Variants in ZNF652 observed in about 807,000 individuals in gnomAD.
ZNF652 encodes the protein zinc finger protein 652.
Under a neutral mutation model 45.2 loss-of-function variants are expected in ZNF652, and 16 were observed. The observed-to-expected ratio is 0.35, with a 90% confidence interval of 0.24 to 0.54. The LOEUF (loss-of-function observed/expected upper bound fraction) is 0.54. Ranked by LOEUF, ZNF652 falls within the 20% of genes least tolerant of loss-of-function variation. The pLI is 0.91. For missense variants in ZNF652, 614 were observed against 765.6 expected (o/e 0.80, Z 2.34); for synonymous variants, 250 against 260.6 (o/e 0.96, Z 0.39).
rs554742595 is a variant in ZNF652 at position 49,343,576 on chromosome 17, T to C, written c.-259+18333A>G. Among the ~76,000 whole-genome samples the C allele has an allele frequency of 6.6e-5, 10 of 152,296 alleles. No individual in the cohort carries two copies. In the East Asian group the frequency reaches 1.9e-3, roughly 29 times the overall value. ...AAGGAAACCACAGATCTTCACAATGTATGTGCTATAAATAGATGTCATCAG... is the reference window on the plus strand; with the variant it reads ...AAGGAAACCACAGATCTTCACAATGCATGTGCTATAAATAGATGTCATCAG... On this transcript the variant is annotated intron_variant, in intron 1 of 5. Transcript: ENST00000430262.
intron 5 of ZNF652, among the ~76,000 whole-genome samples, chr17:49,300,836 C>T (rs1306258162): frequency 6.6e-6 from 1 of 152,198 alleles, no homozygotes; most frequent in African/African-American, 2.4e-5. Flanking sequence ...GTGATCTTCA[C>T]AGTGACTGTA....
At chr17:49,319,815 A>G (rs1264066241) in intron 1 of ZNF652, among the ~76,000 whole-genome samples, 12 of 151,942 alleles carry the variant, frequency 7.9e-5, no homozygotes, top group Admixed American at 7.2e-4. Flanking sequence ...CTAATTTTCA[A>G]AAAAATTTTT....
Position 49,298,089 on chromosome 17 carries a change from T to C in ZNF652, c.*324A>G, listed in dbSNP as rs1424725662. 9.8e-6 allele frequency: 3 copies of C among 305,224 alleles called. No individual in the cohort carries two copies. The highest frequency in any genetic ancestry group is 6.6e-5 in the African/African-American group (3 of 45,398). 18.9% of individuals were successfully genotyped at this position (305,224 alleles called of 1,614,324 possible). On this transcript the variant is annotated 3_prime_UTR_variant, in exon 6 of 6. Coordinates refer to ENST00000430262, the MANE Select transcript of ZNF652 (RefSeq NM_001145365.3). ...CCCCTCTTTGAGGAGAAGTCTGGGA[T>C]ATAAAAGCAAGCATACCTCATCAGC...
chr17:49,355,307 G>C (rs1387922862), intron 1 of ZNF652, among the ~76,000 whole-genome samples: 1 of 152,146 alleles, frequency 6.6e-6, no homozygotes, highest in Non-Finnish European at 1.5e-5. Flanking sequence ...AAATTTGTCT[G>C]GGCATGGTGG....
Position 49,351,012 on chromosome 17 carries a change from TATACACACACACACACACACAC to T in ZNF652, c.-259+10875_-259+10896del, listed in dbSNP as rs1415260445. Among the ~76,000 whole-genome samples the T allele has an allele frequency of 7.7e-3, 155 of 20,260 alleles. 2 individuals are homozygous for T. Among genetic ancestry groups the T allele is most frequent in the African/African-American group, 0.028 (149 of 5,330 alleles). 13.3% of individuals were successfully genotyped at this position (20,260 alleles called of 152,430 possible). On this transcript the variant is annotated intron_variant, in intron 1 of 5. Transcript: ENST00000430262. Reference sequence around the variant, plus strand: ...ATATATATATATATATATATATATATATACACACACACACACACACACACACACACACACACACACACATATT... The same window carrying T: ...ATATATATATATATATATATATATATACACACACACACACACACACATATT...
At chr17:49,311,067 C>G (rs1014345228) in intron 5 of ZNF652, among the ~76,000 whole-genome samples, 2 of 152,084 alleles carry the variant, frequency 1.3e-5, no homozygotes, top group African/African-American at 2.4e-5. Flanking sequence ...ACGTAAAGAC[C>G]CCATTGTCTT....
chr17:49,360,501 T>G (rs1185983588), intron 1 of ZNF652, among the ~76,000 whole-genome samples: 3 of 152,264 alleles, frequency 2.0e-5, no homozygotes, highest in African/African-American at 4.8e-5. Context: ...AAAATTATAC[T>G]AAAGGTATTA....
intron 3 of ZNF652, 30 bp from the exon 4 acceptor site, chr17:49,312,072 A>G (rs747697630): frequency 1.3e-6 from 2 of 1,548,080 alleles, no homozygotes; most frequent in Admixed American, 3.4e-5. Flanking sequence ...TAGTGTCAAA[A>G]CAAAATCCAC....
At chr17:49,334,704 A>G (rs1480101160) in intron 1 of ZNF652, among the ~76,000 whole-genome samples, 1 of 151,546 alleles carries the variant, frequency 6.6e-6, no homozygotes, top group Non-Finnish European at 1.5e-5. Flanking sequence ...GCTTGAACTC[A>G]GGAGGCAGAG....
chr17:49,349,278 C>T (rs2070244883), intron 1 of ZNF652, among the ~76,000 whole-genome samples: 1 of 152,034 alleles, frequency 6.6e-6, no homozygotes, highest in African/African-American at 2.4e-5. Context: ...AAAAATTTGC[C>T]AGGCCAGCTA....
intron 1 of ZNF652, 22 bp downstream of exon 1, chr17:49,361,887 G>A (rs1220938334): frequency 6.6e-6 from 1 of 150,742 alleles, no homozygotes; most frequent in African/African-American, 2.4e-5. Context: ...GCGAGTGCGT[G>A]GGGGAAGGGG....
intron 1 of ZNF652, among the ~76,000 whole-genome samples, chr17:49,329,866 A>C (rs1167695215): frequency 2.0e-5 from 3 of 152,236 alleles, no homozygotes; most frequent in Non-Finnish European, 2.9e-5. Context: ...TTTCCATATA[A>C]GATAATACAA....
rs1237786824 is a variant in ZNF652 at position 49,298,830 on chromosome 17, G to A, written c.1404C>T (p.Pro468=). Residue 468 remains proline (P), a synonymous_variant, in exon 6 of 6, where the codon CCC becomes CCT. Coordinates refer to ENST00000430262, the MANE Select transcript of ZNF652 (RefSeq NM_001145365.3). ...RHRRTHTGEK[P]YPCDVCGQRF... ...GCTGGCCACACACATCACATGGATA[G>A]GGCTTCTCGCCTGTGTGAGTTCTGC... The A allele has an allele frequency of 5.6e-6, 9 of 1,613,934 alleles. No individual in the cohort carries two copies. The highest frequency in any genetic ancestry group is 7.6e-6 in the Non-Finnish European group (9 of 1,180,040).
At chr17:49,324,393 T>C (rs560588750) in intron 1 of ZNF652, among the ~76,000 whole-genome samples, 1 of 150,170 alleles carries the variant, frequency 6.7e-6, no homozygotes, top group Admixed American at 6.6e-5. Context: ...TCGCCTTTTT[T>C]ATTTTATTTT....
chr17:49,302,479 AG>A (rs1388681700), intron 5 of ZNF652, among the ~76,000 whole-genome samples: 1 of 151,182 alleles, frequency 6.6e-6, no homozygotes, highest in Non-Finnish European at 1.5e-5. Flanking sequence ...TAGCAGAGAC[AG>A]GGTTTCACCA....
intron 1 of ZNF652, among the ~76,000 whole-genome samples, chr17:49,339,290 C>A (rs2070117701): frequency 7.3e-6 from 1 of 136,630 alleles, no homozygotes; most frequent in South Asian, 2.3e-4. Context: ...GCAACCTCTG[C>A]CTCCCAGGTT....
intron 1 of ZNF652, among the ~76,000 whole-genome samples, chr17:49,344,408 T>C (rs953073135): frequency 1.3e-5 from 2 of 150,758 alleles, no homozygotes; most frequent in South Asian, 4.2e-4. Flanking sequence ...CTGATTTATG[T>C]TGAAGAAAAG....
chr17:49,336,356 C>G (rs1424492829), intron 1 of ZNF652, among the ~76,000 whole-genome samples: 2 of 136,360 alleles, frequency 1.5e-5, no homozygotes, highest in African/African-American at 5.5e-5. Flanking sequence ...CAGAGTCTCA[C>G]TCTGTCACCT....
At chr17:49,348,216 C>T (rs576226240) in intron 1 of ZNF652, among the ~76,000 whole-genome samples, 1 of 151,960 alleles carries the variant, frequency 6.6e-6, no homozygotes, top group South Asian at 2.1e-4. Flanking sequence ...AAGGAGGCTG[C>T]GCATGGTGGC....
Sources: gnomAD v4.1 joint callset for allele counts (sites outside exome capture counted in the v4.1 genomes callset) on GRCh38, gnomAD v4.1.1 for gene constraint, MANE v1.5 for transcripts, NCBI Gene and HGNC (gene_info 2026-07-23, HGNC 2026-07-21) for gene names.